REV3L: variants seen among roughly 807,000 people sequenced by gnomAD.
REV3L encodes REV3 like, DNA directed polymerase zeta catalytic subunit, also known as DNA polymerase zeta catalytic subunit.
Under a neutral mutation model 299.4 loss-of-function variants are expected in REV3L, and 69 were observed. The observed-to-expected ratio is 0.23, with a 90% CI of 0.19 to 0.28. The LOEUF is 0.28. REV3L is among the 10% of genes least tolerant of loss of function. The pLI is 1.00. For missense variants in REV3L, 3,128 were observed against 3,693.8 expected, an observed-to-expected ratio of 0.85 and a Z score of 3.97; for synonymous variants, 1,238 against 1,271.4, an observed-to-expected ratio of 0.97 and a Z score of 0.56.
intron 20 of REV3L, among the ~76,000 whole-genome samples, chr6:111,346,643 C>T (rs1200143695): frequency 6.6e-6 from 1 of 152,042 alleles, no homozygotes; most frequent in Admixed American, 6.6e-5. Flanking sequence ...GCCACTGTAC[C>T]CAGTTCCAAA....
At position 111,377,873 on chromosome 6, in the gene REV3L, A is replaced by C. The variant is rs1294923538; in HGVS notation, c.1455-30T>G. On this transcript the variant is annotated intron_variant, in intron 11 of 31. Coordinates refer to ENST00000368802, the MANE Select transcript of REV3L (RefSeq NM_001372078.1). ...AGAACATTAAAATTCACTGGTGAGC[A>C]TGATCATTAGTAAAGACCATCTCAG... 4 of 1,587,592 alleles carry C rather than the reference A, an allele frequency of 2.5e-6. No individual in the cohort carries two copies. In the African/African-American group the frequency reaches 4.0e-5, roughly 16 times the overall value.
At chr6:111,472,263 C>T in intron 1 of REV3L, 1 of 370,030 alleles carries the variant, frequency 2.7e-6, no homozygotes, top group Non-Finnish European at 4.4e-6. Context: ...TTTCATTTCA[C>T]CATCTCAAAC....
chr6:111,300,133 G>C lies in REV3L; in HGVS notation c.9276C>G (p.Cys3092Trp). The change falls in exon 32 of 32, where the codon TGC becomes TGG. Residue 3092 changes from cysteine to tryptophan, a missense_variant. This residue lies in a region of REV3L where 294 missense variants were observed against 377.0 expected (regional missense o/e 0.78). Transcript: ENST00000368802. ...AAACACATGGGATGTGTCGATCAAA[G>C]CAACCTGTACAGTTCTTGCATATCT... ...LVKICKNCTG[C>W]FDRHIPCVSL... 6.2e-7 allele frequency: 1 copy of C among 1,612,240 alleles called. No homozygotes were observed. The highest frequency in any genetic ancestry group is 8.5e-7 in the Non-Finnish European group (1 of 1,179,248).
At chr6:111,317,864 T>C (rs191886630) in intron 26 of REV3L, among the ~76,000 whole-genome samples, 36 of 152,314 alleles carry the variant, frequency 2.4e-4, no homozygotes, top group African/African-American at 7.7e-4. Flanking sequence ...ATCTGTCTTC[T>C]TTCACTCAGC....
chr6:111,444,761 T>C (rs1788646012), intron 1 of REV3L, among the ~76,000 whole-genome samples: 1 of 152,190 alleles, frequency 6.6e-6, no homozygotes, highest in Non-Finnish European at 1.5e-5. Flanking sequence ...TCTACTCCAG[T>C]ACAATAAAAT....
In REV3L at chr6:111,376,241, T is replaced by C. The variant is rs774019345; in HGVS notation, c.2114A>G (p.Asn705Ser). 2.7e-5 allele frequency: 44 copies of C among 1,613,642 alleles called. No individual in the cohort carries two copies. The highest frequency in any genetic ancestry group is 3.4e-6 in the Non-Finnish European group (4 of 1,179,902). Residue 705 changes from asparagine to serine, a missense_variant, in exon 13 of 32, where the codon AAT becomes AGT. By Grantham distance (46) the Asn-to-Ser change is conservative (BLOSUM62 1). Transcript: ENST00000368802. ...ATTTAAGTCAGAAAAGTTGAAAGAA[T>C]TTTTGCCCAATGTATTCTCGTTAGG... ...RHPNENTLGK[N>S]SFNFSDLNHS...
intron 1 of REV3L, among the ~76,000 whole-genome samples, chr6:111,437,786 G>A (rs1482638526): frequency 1.3e-5 from 2 of 152,090 alleles, no homozygotes; most frequent in African/African-American, 4.8e-5. Flanking sequence ...GCACAACTCT[G>A]TGAACAAAGA....
In REV3L at chr6:111,392,879, G is replaced by C; in HGVS notation, c.659C>G (p.Pro220Arg). ...TLFRWEQDEI[P>R]SSLILEGVEP... ...TTCCTTTACAACATTAACTAACCTT[G>C]GTATTTCATCTTGTTCCCACCGAAA... is the stretch of plus-strand genomic sequence containing the variant. The change falls in exon 5 of 32, where the codon CCA becomes CGA. Residue 220 changes from proline to arginine, a missense_variant. Pro to Arg is a moderately radical substitution (Grantham distance 103). Transcript: ENST00000368802. The C allele has an allele frequency of 1.3e-6, 2 of 1,588,342 alleles. No homozygotes were observed. Among genetic ancestry groups the C allele is most frequent in the Non-Finnish European group, 1.7e-6 (2 of 1,157,030 alleles).
At chr6:111,442,834 A>G (rs564694158) in intron 1 of REV3L, among the ~76,000 whole-genome samples, 2 of 152,230 alleles carry the variant, frequency 1.3e-5, no homozygotes, top group South Asian at 4.2e-4. Flanking sequence ...TGGCTGCTTT[A>G]AAGATTTTTA....
At chr6:111,482,332 G>GAC (rs1344943915) in intron 1 of REV3L, among the ~76,000 whole-genome samples, 3 of 152,192 alleles carry the variant, frequency 2.0e-5, no homozygotes, top group African/African-American at 7.2e-5. Flanking sequence ...GCACTTGGGG[G>GAC]ACACAAGGGA....
intron 1 of REV3L, among the ~76,000 whole-genome samples, chr6:111,481,815 AT>A (rs1437878235): frequency 6.6e-6 from 1 of 152,156 alleles, no homozygotes; most frequent in African/African-American, 2.4e-5. Flanking sequence ...TCTTTTTTAT[AT>A]TATCATAAGC....
intron 1 of REV3L, chr6:111,471,929 G>C (rs552670894): frequency 1.4e-6 from 1 of 711,376 alleles, no homozygotes; most frequent in African/African-American, 1.9e-5. Context: ...TTAGTTAAGG[G>C]TGAGTAGGAT....
chr6:111,351,469 T>C (rs1316775188), intron 19 of REV3L, among the ~76,000 whole-genome samples: 1 of 152,206 alleles, frequency 6.6e-6, no homozygotes, highest in Non-Finnish European at 1.5e-5. Flanking sequence ...CCAACAACTA[T>C]ACTAACAGTA....
At chr6:111,359,067 C>A in intron 16 of REV3L, 53 bp from the exon 17 acceptor site, 2 of 1,456,054 alleles carry the variant, frequency 1.4e-6, no homozygotes, top group South Asian at 1.3e-5. Context: ...AAGACATGCT[C>A]AAAGAAGTAT....
intron 1 of REV3L, among the ~76,000 whole-genome samples, chr6:111,440,049 A>G (rs774508740): frequency 5.3e-5 from 8 of 151,706 alleles, no homozygotes; most frequent in Admixed American, 1.3e-4. Context: ...CCAAGAGTTC[A>G]CTGAATCCTG....
rs376874375 is a variant in REV3L, at chr6:111,331,634, T to C, written c.8034+42A>G. 2.2e-6 allele frequency: 3 copies of C among 1,376,162 alleles called. No individual in the cohort carries two copies. The African/African-American group carries it at 4.3e-5, about 20-fold the overall frequency. 85.2% of individuals were successfully genotyped at this position (1,376,162 alleles called of 1,614,324 possible). ...TAAACCATTATCAGCTCTCCAAAAG[T>C]TAAGCCATAGTTGTTATCTTTCATT... On this transcript the variant is annotated intron_variant, in intron 24 of 31. Transcript: ENST00000368802.
intron 1 of REV3L, among the ~76,000 whole-genome samples, chr6:111,447,826 T>C (rs187396986): frequency 6.6e-6 from 1 of 152,342 alleles, no homozygotes; most frequent in Admixed American, 6.5e-5. Context: ...TCTATATATG[T>C]TTATTGATGA....
intron 21 of REV3L, among the ~76,000 whole-genome samples, chr6:111,341,230 T>C (rs1315015237): frequency 1.3e-5 from 2 of 152,094 alleles, no homozygotes; most frequent in African/African-American, 4.8e-5. Flanking sequence ...GTATTTTTAA[T>C]AGAGATGGGG....
At chr6:111,360,064 T>TA (rs1778492031) in intron 16 of REV3L, among the ~76,000 whole-genome samples, 2 of 152,106 alleles carry the variant, frequency 1.3e-5, no homozygotes, top group African/African-American at 4.8e-5. Flanking sequence ...TACTCGAGAA[T>TA]AGCAAAGACT....
Sources: gnomAD v4.1 joint callset for allele counts (sites outside exome capture counted in the v4.1 genomes callset) on GRCh38, gnomAD v4.1.1 for gene constraint, gnomAD v4.1.1 regional missense constraint, MANE v1.5 for transcripts, NCBI Gene and HGNC (gene_info 2026-07-23, HGNC 2026-07-21) for gene names.